Variants in UNC5A observed in about 807,000 individuals in gnomAD.
UNC5A encodes the protein netrin receptor UNC5A.
A neutral mutation model predicts 87.4 loss-of-function variants in UNC5A; 20 were observed. The ratio of observed to expected loss-of-function variants is 0.23; its 90% CI spans 0.16 to 0.33. UNC5A has a LOEUF of 0.33. UNC5A is among the 10% of genes least tolerant of loss of function. The pLI is 1.00. For synonymous variants in UNC5A, 438 were observed against 482.3 expected, an observed-to-expected ratio of 0.91 and a Z score of 1.20; for missense variants, 844 against 1,133.4, an observed-to-expected ratio of 0.74 and a Z score of 3.67.
At chr5:176,856,484 G>T (rs80133044) in intron 1 of UNC5A, among the ~76,000 whole-genome samples, 4 of 152,176 alleles carry the variant, frequency 2.6e-5, no homozygotes, top group African/African-American at 9.7e-5. Context: ...CACTCCATCA[G>T]CATCCTGGTG....
rs187319946 is a variant in UNC5A, at chr5:176,832,508, A to C, written c.70+21688A>C. ...CACTTTCCACATCTGAAGGATGGGGACAGCAGTCACCTAGCCTCTAGGATG... is the reference window on the plus strand; with the variant it reads ...CACTTTCCACATCTGAAGGATGGGGCCAGCAGTCACCTAGCCTCTAGGATG... On this transcript the variant is annotated intron_variant, in intron 1 of 14. Transcript: ENST00000329542. Among the ~76,000 whole-genome samples the C allele has an allele frequency of 3.0e-4, 45 of 152,188 alleles. 1 individual carries two copies. Among genetic ancestry groups the C allele is most frequent in the Middle Eastern group, 6.8e-3 (2 of 294 alleles).
At position 176,844,195 on chromosome 5, in the gene UNC5A, G is replaced by A. The variant is rs1757346294; in HGVS notation, c.71-18429G>A. ...GTCCATGCTGATTGTAGCGTCTCAGGGGACAGATCAGAGGCCCCAGGCCTT... is the reference window on the plus strand; with the variant it reads ...GTCCATGCTGATTGTAGCGTCTCAGAGGACAGATCAGAGGCCCCAGGCCTT... On this transcript the variant is annotated intron_variant, in intron 1 of 14. Coordinates refer to ENST00000329542, the MANE Select transcript of UNC5A (RefSeq NM_133369.3). The surrounding 1 kb of genome is among the most constrained non-coding windows in gnomAD (Gnocchi z 4.2). 6.6e-6 allele frequency among the ~76,000 whole-genome samples: 1 copy of A among 152,136 alleles called. No homozygotes were observed. Among genetic ancestry groups the A allele is most frequent in the Non-Finnish European group, 1.5e-5 (1 of 68,032 alleles).
chr5:176,837,091 G>A (rs993522678), intron 1 of UNC5A, among the ~76,000 whole-genome samples: 9 of 152,134 alleles, frequency 5.9e-5, no homozygotes, highest in Non-Finnish European at 1.0e-4. Context: ...TCACTGTGCC[G>A]TGAAATTGCC....
chr5:176,846,430 G>T (rs1757404266), intron 1 of UNC5A, among the ~76,000 whole-genome samples: 1 of 152,196 alleles, frequency 6.6e-6, no homozygotes, highest in Non-Finnish European at 1.5e-5. Flanking sequence ...AGACAGCAAA[G>T]AGTTTAATGA....
At position 176,880,893 on chromosome 5, in the gene UNC5A, T is replaced by A. The variant is rs1758405568; in HGVS notation, c.*1007T>A. The A allele has an allele frequency of 1.7e-6, 1 of 593,822 alleles. No homozygotes were observed. The highest frequency in any genetic ancestry group is 1.9e-5 in the African/African-American group (1 of 53,576). The allele number at this position is 593,822 out of a possible 1,614,324, so 36.8% of individuals were successfully genotyped here. ...ATGTAAATAAATTATATATATATAT[T>A]GCTAACCTGAGTGCTACTTCTCTCA... is the stretch of plus-strand genomic sequence containing the variant. On this transcript the variant is annotated 3_prime_UTR_variant, in exon 15 of 15. Transcript: ENST00000329542.
In UNC5A at chr5:176,877,639, G is replaced by C; in HGVS notation, c.1571G>C (p.Gly524Ala). 1 of 1,612,516 alleles carries C rather than the reference G, an allele frequency of 6.2e-7. No individual in the cohort carries two copies. The highest frequency in any genetic ancestry group is 8.5e-7 in the Non-Finnish European group (1 of 1,179,636). The change falls in exon 10 of 15, where the codon GGG (glycine) becomes GCG (alanine). Residue 524 changes from glycine to alanine, a missense_variant. Gly to Ala is a moderately conservative substitution (Grantham distance 60). Coordinates refer to ENST00000329542, the MANE Select transcript of UNC5A (RefSeq NM_133369.3). The part of the protein sequence containing the change: ...RPVILAMDHC[G>A]EPSPDSWSLR... The stretch of plus-strand genomic sequence containing the variant: ...GTCATCCTGGCTATGGACCACTGTG[G>C]GGAGCCCAGCCCTGACAGCTGGAGC...
In UNC5A at chr5:176,874,012, G is replaced by A. The variant is rs150911396; in HGVS notation, c.931G>A (p.Ala311Thr). 81 of 1,613,876 alleles carry A rather than the reference G, an allele frequency of 5.0e-5. No homozygotes were observed. In the African/African-American group the frequency reaches 5.2e-4, roughly 10 times the overall value. ...EDVALYVGLI[A>T]VAVCLVLLLL... is the part of the protein sequence containing the mutation. ...CGTGGCCCTCTATGTGGGCCTCATC[G>A]CCGTGGCCGTCTGCCTGGTCCTGCT... The change falls in exon 7 of 15, where the codon GCC (alanine) becomes ACC (threonine). Residue 311 changes from alanine to threonine, a missense_variant. Coordinates refer to ENST00000329542, the MANE Select transcript of UNC5A (RefSeq NM_133369.3). The surrounding 1 kb of genome is among the most constrained non-coding windows in gnomAD (Gnocchi z 7.6).
intron 1 of UNC5A, among the ~76,000 whole-genome samples, chr5:176,855,682 C>T (rs1451747426): frequency 6.6e-6 from 1 of 152,222 alleles, no homozygotes; most frequent in Non-Finnish European, 1.5e-5. Flanking sequence ...ACAAGTGGCA[C>T]GTCATCCTGT....
At chr5:176,842,065 C>T (rs998394406) in intron 1 of UNC5A, among the ~76,000 whole-genome samples, 16 of 152,188 alleles carry the variant, frequency 1.1e-4, no homozygotes, top group African/African-American at 2.9e-4. Flanking sequence ...GGCGCGGTGG[C>T]GGGTGCCTGT....
At chr5:176,852,274 C>CACATACACCACACAGAAACACT (rs1380388023) in intron 1 of UNC5A, among the ~76,000 whole-genome samples, 23 of 152,090 alleles carry the variant, frequency 1.5e-4, no homozygotes, top group Non-Finnish European at 2.5e-4. Flanking sequence ...CACAGAAACA[C>CACATACACCACACAGAAACACT]ACATACACCA....
In UNC5A at chr5:176,874,336, C is replaced by A. The variant is rs1175335655; in HGVS notation, c.1148C>A (p.Pro383His). 2 of 1,613,148 alleles carry A rather than the reference C, an allele frequency of 1.2e-6. No homozygotes were observed. Among genetic ancestry groups the A allele is most frequent in the Non-Finnish European group, 1.7e-6 (2 of 1,179,656 alleles). ...TTTTYQGSLC[P>H]RQDGPSPKFQ... The stretch of plus-strand genomic sequence containing the variant: ...ACCACCTACCAGGGCAGTCTCTGTC[C>A]CCGGCAGGATGGGCCCAGCCCCAAG... Residue 383 changes from proline to histidine, a missense_variant, in exon 8 of 15, where the codon CCC becomes CAC. Physicochemically the swap from Pro to His is moderately conservative, Grantham distance 77. Transcript: ENST00000329542. This position sits in a 1 kb window ranked among gnomAD's most constrained non-coding sequence, Gnocchi z 7.6.
At position 176,869,138 on chromosome 5, in the gene UNC5A, T is replaced by C. The variant is rs147534469; in HGVS notation, c.721+174T>C. 8.7e-4 allele frequency among the ~76,000 whole-genome samples: 132 copies of C among 152,172 alleles called. 1 individual carries two copies. The East Asian group carries it at 0.024, about 28-fold the overall frequency. Reference sequence around the variant, plus strand: ...TGTGACTGCTGGGGGCCCAGGGGCATGTCTGGGCAAAGGAGTGGGACAGAT... The same window carrying C: ...TGTGACTGCTGGGGGCCCAGGGGCACGTCTGGGCAAAGGAGTGGGACAGAT... On this transcript the variant is annotated intron_variant, in intron 5 of 14. Transcript: ENST00000329542. This position sits in a 1 kb window ranked among gnomAD's most constrained non-coding sequence, Gnocchi z 9.1.
At chr5:176,817,577 T>TCCCCACCCCCCGCCC (rs1265310795) in intron 1 of UNC5A, among the ~76,000 whole-genome samples, 1 of 59,192 alleles carries the variant, frequency 1.7e-5, no homozygotes, top group African/African-American at 5.8e-5. Flanking sequence ...ACCCCGCCCC[T>TCCCCACCCCCCGCCC]CCCCACCCCC....
chr5:176,822,276 T>C (rs1185185883), intron 1 of UNC5A, among the ~76,000 whole-genome samples: 2 of 151,882 alleles, frequency 1.3e-5, no homozygotes, highest in Non-Finnish European at 2.9e-5. Context: ...GCCCTGGAAG[T>C]ATTTGTGTGG....
At position 176,865,306 on chromosome 5, in the gene UNC5A, T is replaced by G. The variant is rs562838453; in HGVS notation, c.292+2461T>G. On this transcript the variant is annotated intron_variant, in intron 2 of 14. Transcript: ENST00000329542. This position sits in a 1 kb window ranked among gnomAD's most constrained non-coding sequence, Gnocchi z 5.3. ...CCGGGCTCCCCCGCACACCCCTCTGTCTGAAACACCCCTGCCATTATGAGG... is the reference window on the plus strand; with the variant it reads ...CCGGGCTCCCCCGCACACCCCTCTGGCTGAAACACCCCTGCCATTATGAGG... 6.6e-6 allele frequency among the ~76,000 whole-genome samples: 1 copy of G among 152,198 alleles called. No individual in the cohort carries two copies. Among genetic ancestry groups the G allele is most frequent in the Admixed American group, 6.5e-5 (1 of 15,298 alleles).
At chr5:176,878,754 C>T in intron 13 of UNC5A, 115 bp downstream of exon 13, 3 of 1,367,646 alleles carry the variant, frequency 2.2e-6, no homozygotes, top group Non-Finnish European at 3.0e-6. Flanking sequence ...TCCCGCCTGT[C>T]CCCAGGCCCA....
chr5:176,849,549 C>A (rs993185709), intron 1 of UNC5A, among the ~76,000 whole-genome samples: 1 of 152,218 alleles, frequency 6.6e-6, no homozygotes, highest in African/African-American at 2.4e-5. Context: ...CACGCCATTG[C>A]TCTCCAGCCT....
intron 1 of UNC5A, 127 bp from the exon 2 acceptor site, chr5:176,862,497 C>T (rs539129511): frequency 2.2e-6 from 2 of 897,890 alleles, no homozygotes; most frequent in East Asian, 2.6e-5. Flanking sequence ...CCAGCTGGGA[C>T]ATGGCAGAGC....
rs950405317 is a variant in UNC5A, at chr5:176,824,520, A to G, written c.70+13700A>G. The stretch of plus-strand genomic sequence containing the variant: ...CAGAGGTAGCAAGGTGGCAGCAGGC[A>G]GGGCATTTAGCCCCCACGCGGCAGA... On this transcript the variant is annotated intron_variant, in intron 1 of 14. Transcript: ENST00000329542. The surrounding 1 kb of genome is among the most constrained non-coding windows in gnomAD (Gnocchi z 4.2). Among the ~76,000 whole-genome samples the G allele has an allele frequency of 7.2e-5, 11 of 152,270 alleles. No individual in the cohort carries two copies. The highest frequency in any genetic ancestry group is 3.9e-4 in the East Asian group (2 of 5,170).
Sources: allele counts gnomAD v4.1 joint callset (sites outside exome capture counted in the v4.1 genomes callset), GRCh38; gene constraint gnomAD v4.1.1; non-coding constraint Gnocchi (gnomAD v3.1); transcripts MANE v1.5; gene names NCBI Gene and HGNC (gene_info 2026-07-23, HGNC 2026-07-21).